Variants in FBXW4 observed in about 807,000 individuals in gnomAD.
FBXW4 encodes the protein F-box and WD repeat domain containing 4.
FBXW4 carries 40 observed loss-of-function variants against 61.8 expected under a neutral mutation model. The observed-to-expected ratio is 0.65, with a 90% CI of 0.50 to 0.84. The LOEUF is 0.84. Ranked by LOEUF, FBXW4 falls within the 40% of genes least tolerant of loss-of-function variation. The probability of loss-of-function intolerance (pLI) is 0.00; values close to 1 mark genes in which losing one functional copy is unlikely to be tolerated. For synonymous variants in FBXW4, 311 were observed against 313.8 expected, an observed-to-expected ratio of 0.99 and a Z score of 0.10; for missense variants, 672 against 753.8, an observed-to-expected ratio of 0.89 and a Z score of 1.27.
chr10:101,685,384 G>A (rs1250365026), intron 1 of FBXW4, among the ~76,000 whole-genome samples: 5 of 152,170 alleles, frequency 3.3e-5, no homozygotes, highest in African/African-American at 1.2e-4. Flanking sequence ...AAGTGGTATA[G>A]CAGTAACCCT....
At chr10:101,658,300 A>G (rs915339837) in intron 5 of FBXW4, among the ~76,000 whole-genome samples, 6 of 152,174 alleles carry the variant, frequency 3.9e-5, no homozygotes, top group Non-Finnish European at 8.8e-5. Flanking sequence ...TAATCCCAGC[A>G]CTTTGGGAGG....
chr10:101,658,502 G>T (rs890495242), intron 5 of FBXW4, among the ~76,000 whole-genome samples: 1 of 152,142 alleles, frequency 6.6e-6, no homozygotes, highest in Admixed American at 6.5e-5. Context: ...CCGAGATCGC[G>T]CCACTGCACT....
At chr10:101,639,012 C>T (rs1250440143) in intron 5 of FBXW4, among the ~76,000 whole-genome samples, 2 of 152,192 alleles carry the variant, frequency 1.3e-5, no homozygotes, top group African/African-American at 4.8e-5. Flanking sequence ...ATAGGTAAAG[C>T]CTATCCCTCA....
chr10:101,657,078 C>A (rs1194176360), intron 5 of FBXW4, among the ~76,000 whole-genome samples: 1 of 152,182 alleles, frequency 6.6e-6, no homozygotes, highest in Non-Finnish European at 1.5e-5. Context: ...CTTCCCTCCT[C>A]CCTCCAATCC....
rs765268934 is a variant in FBXW4 at position 101,611,397 on chromosome 10, G to A, written c.1598C>T (p.Thr533Met). 24 of 1,613,620 alleles carry A rather than the reference G, an allele frequency of 1.5e-5. No individual in the cohort carries two copies. Among genetic ancestry groups the A allele is most frequent in the East Asian group, 8.9e-5 (4 of 44,846 alleles). The stretch of plus-strand genomic sequence containing the variant: ...CACAGGGCTGCTGAGGGGAGTCGAC[G>A]TCAGCGGGAAGGCCTGGAAGGGAGG... ...QRACLHAFPL[T>M]STPLSSPVYC... The change falls in exon 9 of 9, where the codon ACG (threonine) becomes ATG (methionine). Residue 533 changes from threonine to methionine, a missense_variant. By Grantham distance (81) the Thr-to-Met change is moderately conservative (BLOSUM62 -1). Around this residue, in one of 5 missense-constraint regions of FBXW4, gnomAD observed 312 missense variants for 370.1 expected, o/e 0.84. Coordinates refer to ENST00000331272, the MANE Select transcript of FBXW4 (RefSeq NM_022039.4). This position sits in a 1 kb window ranked among gnomAD's most constrained non-coding sequence, Gnocchi z 4.9.
intron 4 of FBXW4, among the ~76,000 whole-genome samples, chr10:101,671,500 G>A (rs891243487): frequency 6.6e-6 from 1 of 152,084 alleles, no homozygotes; most frequent in African/African-American, 2.4e-5. Flanking sequence ...AGTAATCCAT[G>A]CCCTCAGATT....
chr10:101,690,831 CGT>C (rs1210527971), intron 1 of FBXW4, among the ~76,000 whole-genome samples: 1 of 152,138 alleles, frequency 6.6e-6, no homozygotes, highest in Non-Finnish European at 1.5e-5. Context: ...AAGCACAGTG[CGT>C]GTGTGTGCGT....
At chr10:101,684,456 G>A (rs2064512463) in intron 1 of FBXW4, among the ~76,000 whole-genome samples, 1 of 152,140 alleles carries the variant, frequency 6.6e-6, no homozygotes. Context: ...GTTTAATAGA[G>A]ATGGGGTTTC....
intron 5 of FBXW4, among the ~76,000 whole-genome samples, chr10:101,630,632 G>A (rs2063945543): frequency 6.6e-6 from 1 of 152,214 alleles, no homozygotes; most frequent in African/African-American, 2.4e-5. Flanking sequence ...GAAGCCAGGA[G>A]CATAGCTGCA....
intron 5 of FBXW4, among the ~76,000 whole-genome samples, chr10:101,637,803 C>T (rs1400840223): frequency 6.6e-6 from 1 of 151,658 alleles, no homozygotes; most frequent in Non-Finnish European, 1.5e-5. Flanking sequence ...AGGTAACTCA[C>T]CAACATTACA....
At chr10:101,632,291 G>A (rs1177068127) in intron 5 of FBXW4, among the ~76,000 whole-genome samples, 5 of 152,090 alleles carry the variant, frequency 3.3e-5, no homozygotes, top group Non-Finnish European at 7.4e-5. Flanking sequence ...CCTAGGTCAG[G>A]CTCTGGATAG....
intron 5 of FBXW4, chr10:101,627,948 G>A: frequency 3.0e-6 from 3 of 985,342 alleles, no homozygotes; most frequent in Non-Finnish European, 3.6e-6. Context: ...TCTAACCCAG[G>A]TGATTTAACC....
rs1343547256 is a variant in FBXW4, at chr10:101,611,319, AG to A, written c.1675del (p.Leu559SerfsTer35). On this transcript the variant is annotated frameshift_variant, in exon 9 of 9. Transcript: ENST00000331272. LOFTEE classifies it high-confidence loss of function. This position sits in a 1 kb window ranked among gnomAD's most constrained non-coding sequence, Gnocchi z 4.9. ...TGGGTTTTGAAAATCCAGGACGTGG[AG>A]GTTGTAAGACAGGGCAGCATAGAGA... ...KHLYAALSYN[L>X]HVLDFQNP 6.2e-7 allele frequency: 1 copy of A among 1,614,040 alleles called. No homozygotes were observed.
At chr10:101,621,336 G>C (rs1310611377) in intron 6 of FBXW4, among the ~76,000 whole-genome samples, 1 of 152,200 alleles carries the variant, frequency 6.6e-6, no homozygotes, top group Non-Finnish European at 1.5e-5. Flanking sequence ...AGACCAGCCT[G>C]GGCAACATAG....
In FBXW4 at chr10:101,674,884, TTCCCAAGGTGGACA is replaced by T. The variant is rs1490810810; in HGVS notation, c.822-1225_822-1212del. Among the ~76,000 whole-genome samples the T allele has an allele frequency of 3.3e-5, 5 of 152,324 alleles. No individual in the cohort carries two copies. In the East Asian group the frequency reaches 7.7e-4, roughly 24 times the overall value. The stretch of plus-strand genomic sequence containing the variant: ...GCTCTCTGGTGGAAACTAAGCCCCT[TTCCCAAGGTGGACA>T]TCCCACCTGTCCTATTCTACATAGG... On this transcript the variant is annotated intron_variant, in intron 2 of 8. Coordinates refer to ENST00000331272, the MANE Select transcript of FBXW4 (RefSeq NM_022039.4).
At chr10:101,649,768 G>A (rs1200338186) in intron 5 of FBXW4, among the ~76,000 whole-genome samples, 1 of 152,204 alleles carries the variant, frequency 6.6e-6, no homozygotes, top group Non-Finnish European at 1.5e-5. Context: ...TGCCTCCCCA[G>A]GGCCACCTCA....
chr10:101,631,629 C>CTT (rs11286397), intron 5 of FBXW4, among the ~76,000 whole-genome samples: 4 of 138,820 alleles, frequency 2.9e-5, no homozygotes, highest in African/African-American at 2.7e-5. Context: ...ACATTATTTA[C>CTT]TTTTTTTTTT....
chr10:101,629,667 G>A (rs955549821), intron 5 of FBXW4, among the ~76,000 whole-genome samples: 2 of 151,790 alleles, frequency 1.3e-5, no homozygotes, highest in Non-Finnish European at 2.9e-5. Flanking sequence ...AGCAACTAGT[G>A]GACTGGAATT....
intron 4 of FBXW4, among the ~76,000 whole-genome samples, chr10:101,669,996 C>A (rs2064344029): frequency 6.6e-6 from 1 of 152,060 alleles, no homozygotes; most frequent in African/African-American, 2.4e-5. Context: ...ACCTCATGAT[C>A]CACCCGCCTC....
Sources: gnomAD v4.1 joint callset for allele counts (sites outside exome capture counted in the v4.1 genomes callset) on GRCh38, gnomAD v4.1.1 for gene constraint, gnomAD v4.1.1 regional missense constraint, Gnocchi (gnomAD v3.1) non-coding constraint, MANE v1.5 for transcripts, NCBI Gene and HGNC (gene_info 2026-07-23, HGNC 2026-07-21) for gene names.